RERE: variants seen among roughly 807,000 people sequenced by gnomAD.
RERE encodes arginine-glutamic acid dipeptide repeats.
A neutral mutation model predicts 146.1 loss-of-function variants in RERE; 40 were observed. The ratio of observed to expected loss-of-function variants is 0.27; its 90% confidence interval spans 0.21 to 0.36. RERE has a LOEUF of 0.36. Ranked by LOEUF, RERE falls within the 10% of genes least tolerant of loss-of-function variation. The pLI, the probability that RERE is intolerant of heterozygous loss-of-function variation, is 1.00. For synonymous variants in RERE, 1,003 were observed against 866.0 expected (o/e 1.16, Z -2.78); for missense variants, 1,933 against 2,138.7 (o/e 0.90, Z 1.90).
At chr1:8,440,966 A>G (rs371445095) in intron 11 of RERE, among the ~76,000 whole-genome samples, 23 of 121,234 alleles carry the variant, frequency 1.9e-4, no homozygotes, top group African/African-American at 6.1e-4. Context: ...AACAAGAGCT[A>G]GCAGAGGGTT....
At chr1:8,649,413 G>C (rs1647489364) in intron 2 of RERE, among the ~76,000 whole-genome samples, 1 of 151,876 alleles carries the variant, frequency 6.6e-6, no homozygotes, top group African/African-American at 2.4e-5. Flanking sequence ...AATGTTTCTA[G>C]AAATTTCTTT....
intron 12 of RERE, among the ~76,000 whole-genome samples, chr1:8,392,685 A>G (rs1642924149): frequency 6.6e-6 from 1 of 152,152 alleles, no homozygotes; most frequent in African/African-American, 2.4e-5. Context: ...GGAGGCCCTC[A>G]AGAGATATGG....
intron 2 of RERE, among the ~76,000 whole-genome samples, chr1:8,653,837 G>C (rs1647771222): frequency 2.0e-5 from 3 of 151,996 alleles, no homozygotes; most frequent in African/African-American, 4.8e-5. Context: ...CAATAGCTGA[G>C]TCTACATCAA....
At chr1:8,501,027 C>G (rs1433655862) in intron 8 of RERE, among the ~76,000 whole-genome samples, 15 of 38,274 alleles carry the variant, frequency 3.9e-4, no homozygotes, top group East Asian at 1.5e-3. Flanking sequence ...CCACCCCGTC[C>G]GGGAGGGGGG....
chr1:8,669,179 A>ACC (rs57703350), intron 1 of RERE, among the ~76,000 whole-genome samples: 94 of 147,100 alleles, frequency 6.4e-4, no homozygotes, highest in African/African-American at 2.3e-3. Context: ...CTCAAGCAAT[A>ACC]CCCCCCCCAA....
chr1:8,439,133 G>C (rs1478897099), intron 11 of RERE, among the ~76,000 whole-genome samples: 1 of 152,234 alleles, frequency 6.6e-6, no homozygotes, highest in African/African-American at 2.4e-5. Context: ...ACCGCTGACA[G>C]ATAGCCAAGT....
intron 1 of RERE, among the ~76,000 whole-genome samples, chr1:8,697,802 T>A (rs1191616725): frequency 6.6e-6 from 1 of 152,198 alleles, no homozygotes; most frequent in Non-Finnish European, 1.5e-5. Flanking sequence ...GTAGTGTCTG[T>A]GGCCAAAAAT....
intron 2 of RERE, among the ~76,000 whole-genome samples, chr1:8,644,598 T>G (rs762563457): frequency 2.0e-5 from 3 of 152,252 alleles, no homozygotes; most frequent in African/African-American, 4.8e-5. Context: ...TTTCAGTTAC[T>G]TAGGGTTCAA....
At chr1:8,621,666 C>T (rs1456920584) in intron 3 of RERE, among the ~76,000 whole-genome samples, 1 of 152,232 alleles carries the variant, frequency 6.6e-6, no homozygotes, top group Admixed American at 6.5e-5. Context: ...AATTACTCAA[C>T]ATTTCAAAGC....
intron 4 of RERE, among the ~76,000 whole-genome samples, chr1:8,603,762 G>A (rs12136766): frequency 0.6 from 90,892 of 151,528 alleles, 27,810 homozygotes; most frequent in East Asian, 0.83. Flanking sequence ...CATCCTCAAC[G>A]TAAGCAACAT....
chr1:8,638,590 T>A (rs1216872773), intron 2 of RERE, among the ~76,000 whole-genome samples: 3 of 152,106 alleles, frequency 2.0e-5, no homozygotes, highest in Admixed American at 6.5e-5. Flanking sequence ...AAGAACCACA[T>A]CACAAAACTG....
At chr1:8,695,622 A>G (rs1312583283) in intron 1 of RERE, among the ~76,000 whole-genome samples, 2 of 145,160 alleles carry the variant, frequency 1.4e-5, no homozygotes, top group Admixed American at 6.9e-5. Flanking sequence ...AAAGCCAGGC[A>G]TGGTAGTGAG....
chr1:8,362,351 G>A (rs1294360368), intron 16 of RERE, among the ~76,000 whole-genome samples: 2 of 152,186 alleles, frequency 1.3e-5, no homozygotes, highest in Non-Finnish European at 2.9e-5. Flanking sequence ...TGGTATCCTG[G>A]GCGGTGGAGG....
At chr1:8,372,127 A>T (rs960388750) in intron 12 of RERE, among the ~76,000 whole-genome samples, 1 of 152,116 alleles carries the variant, frequency 6.6e-6, no homozygotes, top group African/African-American at 2.4e-5. Flanking sequence ...AGTAGAAGAG[A>T]TTGTTGAAGA....
intron 1 of RERE, among the ~76,000 whole-genome samples, chr1:8,666,045 C>CAG (rs1230685465): frequency 6.6e-6 from 1 of 152,122 alleles, no homozygotes; most frequent in Non-Finnish European, 1.5e-5. Flanking sequence ...CAGCTGACTC[C>CAG]AGAGCCTATA....
intron 1 of RERE, among the ~76,000 whole-genome samples, chr1:8,752,176 T>C (rs1323522990): frequency 6.6e-6 from 1 of 152,048 alleles, no homozygotes; most frequent in African/African-American, 2.4e-5. Context: ...TGTGTTCTTA[T>C]ACACCACATG....
At chr1:8,728,848 C>T (rs12567592) in intron 1 of RERE, among the ~76,000 whole-genome samples, 35,697 of 152,024 alleles carry the variant, frequency 0.23, 4,291 homozygotes, top group Middle Eastern at 0.28. Context: ...CAACTAGGGC[C>T]AAGAGACTGC....
chr1:8,367,652 C>A (rs114263632), intron 12 of RERE, among the ~76,000 whole-genome samples: 2,540 of 152,324 alleles, frequency 0.017, 35 homozygotes, highest in Middle Eastern at 0.031. Flanking sequence ...GCCCACCCCT[C>A]GGTTCCATGA....
At chr1:8,721,929 G>A (rs1460040794) in intron 1 of RERE, among the ~76,000 whole-genome samples, 3 of 152,170 alleles carry the variant, frequency 2.0e-5, no homozygotes, top group East Asian at 1.9e-4. Context: ...CATTGCATTT[G>A]CTTTGCTGCG....
Sources: allele counts gnomAD v4.1 joint callset (sites outside exome capture counted in the v4.1 genomes callset), GRCh38; gene constraint gnomAD v4.1.1; transcripts MANE v1.5; gene names NCBI Gene and HGNC (gene_info 2026-07-23, HGNC 2026-07-21).